Variants in PIGF observed in about 807,000 individuals in gnomAD.
PIGF encodes GPI ethanolamine phosphate transferase, stabilizing subunit.
Under a neutral mutation model 26.0 loss-of-function variants are expected in PIGF, and 23 were observed. The observed-to-expected ratio is 0.88, with a 90% confidence interval of 0.64 to 1.25. The LOEUF (loss-of-function observed/expected upper bound fraction) is 1.25, where lower values mean the gene tolerates loss of function less well. Among genes scored for constraint, PIGF ranks in the 50% most tolerant of loss-of-function variants. The pLI is 0.00. For missense variants in PIGF, 278 were observed against 249.9 expected (o/e 1.11, Z -0.76); for synonymous variants, 93 against 92.6 (o/e 1.00, Z -0.03).
Position 46,588,902 on chromosome 2 carries a change from T to C in PIGF, c.546+3573A>G, listed in dbSNP as rs573975091. On this transcript the variant is annotated intron_variant, in intron 5 of 5. Coordinates refer to ENST00000281382, the MANE Select transcript of PIGF (RefSeq NM_002643.4). This position sits in a 1 kb window ranked among gnomAD's most constrained non-coding sequence, Gnocchi z 4.1. ...ATACAGTAATAACAACAAATACTTATTGATTAGCTATTTAGTTACAGCAGA... is the reference window on the plus strand; with the variant it reads ...ATACAGTAATAACAACAAATACTTACTGATTAGCTATTTAGTTACAGCAGA... 3.3e-5 allele frequency among the ~76,000 whole-genome samples: 5 copies of C among 152,274 alleles called. No individual in the cohort carries two copies. The highest frequency in any genetic ancestry group is 4.1e-4 in the South Asian group (2 of 4,830).
rs367889567 is a variant in PIGF at position 46,581,120 on chromosome 2, T to C, written c.*358A>G. ...AGTGGCCAAGGAAACTGTCCATTTCTCTCAGAAAGCAAATGAAATGCTACA... is the reference window on the plus strand; with the variant it reads ...AGTGGCCAAGGAAACTGTCCATTTCCCTCAGAAAGCAAATGAAATGCTACA... On this transcript the variant is annotated 3_prime_UTR_variant, in exon 6 of 6. Transcript: ENST00000281382. 1.4e-6 allele frequency: 2 copies of C among 1,435,464 alleles called. No individual in the cohort carries two copies. The highest frequency in any genetic ancestry group is 1.4e-5 in the African/African-American group (1 of 69,744). The allele number at this position is 1,435,464 out of a possible 1,614,324, so 88.9% of individuals were successfully genotyped here.
At chr2:46,608,476 C>T (rs1314351313) in intron 4 of PIGF, among the ~76,000 whole-genome samples, 3 of 152,230 alleles carry the variant, frequency 2.0e-5, no homozygotes, top group Non-Finnish European at 2.9e-5. Context: ...ATTTTTATCT[C>T]CTCCCTTGAA....
At position 46,588,384 on chromosome 2, in the gene PIGF, T is replaced by G. The variant is rs1230454860; in HGVS notation, c.546+4091A>C. ...AATAAATCATGGAATTTGCATTTTT[T>G]GAAGGCTAAAAATATAGTCATTAAA... On this transcript the variant is annotated intron_variant, in intron 5 of 5. Coordinates refer to ENST00000281382, the MANE Select transcript of PIGF (RefSeq NM_002643.4). This position sits in a 1 kb window ranked among gnomAD's most constrained non-coding sequence, Gnocchi z 4.1. The G allele has an allele frequency of 1.7e-6, 1 of 588,382 alleles. No homozygotes were observed. Among genetic ancestry groups the G allele is most frequent in the African/African-American group, 1.9e-5 (1 of 51,724 alleles). The allele number at this position is 588,382 out of a possible 1,614,324, so 36.4% of individuals were successfully genotyped here.
intron 5 of PIGF, among the ~76,000 whole-genome samples, chr2:46,586,009 C>T (rs1288471953): frequency 2.0e-5 from 3 of 152,266 alleles, no homozygotes; most frequent in East Asian, 3.9e-4. Context: ...CTCCTGACCT[C>T]GTGATCCGTC....
chr2:46,604,761 A>C (rs1485887034), intron 4 of PIGF, among the ~76,000 whole-genome samples: 1 of 151,986 alleles, frequency 6.6e-6, no homozygotes, highest in African/African-American at 2.4e-5. Flanking sequence ...AATGGGCATG[A>C]AAAAGATAGA....
At chr2:46,582,686 T>C (rs1365491117) in intron 5 of PIGF, 1 of 152,662 alleles carries the variant, frequency 6.6e-6, no homozygotes, top group Non-Finnish European at 1.5e-5. Flanking sequence ...TATAGCTATG[T>C]CTACTGCACA....
In PIGF at chr2:46,581,389, C is replaced by G; in HGVS notation, c.*89G>C. ...TGTTGTAACTACGTAAAAAACAGAGCTGTAAATGGAACTGCTTGGCTTTGA... is the reference window on the plus strand; with the variant it reads ...TGTTGTAACTACGTAAAAAACAGAGGTGTAAATGGAACTGCTTGGCTTTGA... On this transcript the variant is annotated 3_prime_UTR_variant, in exon 6 of 6. Coordinates refer to ENST00000281382, the MANE Select transcript of PIGF (RefSeq NM_002643.4). 1 of 1,524,632 alleles carries G rather than the reference C, an allele frequency of 6.6e-7. No individual in the cohort carries two copies. The highest frequency in any genetic ancestry group is 8.8e-7 in the Non-Finnish European group (1 of 1,132,394). 94.4% of individuals were successfully genotyped at this position (1,524,632 alleles called of 1,614,324 possible).
intron 4 of PIGF, among the ~76,000 whole-genome samples, chr2:46,599,159 C>T (rs924205755): frequency 5.3e-5 from 8 of 152,172 alleles, no homozygotes; most frequent in Non-Finnish European, 1.2e-4. Flanking sequence ...ACCCAACAGG[C>T]TCAGTATCTG....
intron 5 of PIGF, chr2:46,583,036 A>C (rs1177931982): frequency 6.6e-6 from 1 of 152,204 alleles, no homozygotes; most frequent in Non-Finnish European, 1.5e-5. Context: ...AAGGAATTGT[A>C]TAAATCAATT....
intron 4 of PIGF, among the ~76,000 whole-genome samples, chr2:46,610,991 C>A (rs181367555): frequency 6.6e-6 from 1 of 152,154 alleles, no homozygotes; most frequent in Non-Finnish European, 1.5e-5. Context: ...GCACGAGGTG[C>A]CTTTCTCTTC....
chr2:46,598,691 ATAGGG>A (rs557814429), intron 4 of PIGF, among the ~76,000 whole-genome samples: 54 of 152,250 alleles, frequency 3.5e-4, no homozygotes, highest in Admixed American at 9.8e-4. Flanking sequence ...AAGAGTGGGA[ATAGGG>A]TATGACTGCT....
In PIGF at chr2:46,581,509, T is replaced by G. The variant is rs577280268; in HGVS notation, c.629A>C (p.Asn210Thr). 3.7e-6 allele frequency: 6 copies of G among 1,611,542 alleles called. No homozygotes were observed. The South Asian group carries it at 5.5e-5, about 15-fold the overall frequency. The change falls in exon 6 of 6, where the codon AAT becomes ACT. Residue 210 changes from asparagine to threonine, a missense_variant. Physicochemically the swap from Asn to Thr is moderately conservative, Grantham distance 65 (BLOSUM62 0). Coordinates refer to ENST00000281382, the MANE Select transcript of PIGF (RefSeq NM_002643.4). ...GTTCTTGTATGTAAGTTGCTTTCTA[T>G]TCCAGTATATCCAGAGTGGTGAAAT... The part of the protein sequence containing the change: ...LVISPLWIYW[N>T]RKQLTYKNN
At chr2:46,595,196 C>T (rs1045097757) in intron 4 of PIGF, among the ~76,000 whole-genome samples, 1 of 152,166 alleles carries the variant, frequency 6.6e-6, no homozygotes, top group Non-Finnish European at 1.5e-5. Context: ...GTCGTGCAGC[C>T]ATCACCACTG....
intron 2 of PIGF, 90 bp from the exon 3 acceptor site, chr2:46,613,875 C>A (rs185601103): frequency 9.0e-7 from 1 of 1,108,296 alleles, no homozygotes; most frequent in African/African-American, 1.6e-5. Flanking sequence ...AACTTGTTCC[C>A]ATAATGTGTA....
At chr2:46,600,335 C>T (rs1384709087) in intron 4 of PIGF, among the ~76,000 whole-genome samples, 1 of 152,154 alleles carries the variant, frequency 6.6e-6, no homozygotes, top group Admixed American at 6.6e-5. Context: ...TTCCTTTGAT[C>T]TAGGAATGTT....
chr2:46,587,181 G>A (rs1475814415), intron 5 of PIGF, among the ~76,000 whole-genome samples: 1 of 152,088 alleles, frequency 6.6e-6, no homozygotes, highest in Non-Finnish European at 1.5e-5. Context: ...ATATAAATGA[G>A]TATTTTATTT....
Position 46,612,288 on chromosome 2 carries a change from G to A in PIGF, c.377C>T (p.Pro126Leu). The stretch of plus-strand genomic sequence containing the variant: ...GTTTGGTCCTAACAAACATAAGCAA[G>A]GCACAGTAGTAAAAGTAGACAAAAT... ...AVILSTFTTV[P>L]CLCLLGPNLK... Residue 126 changes from proline (P) to leucine (L), a missense_variant, in exon 4 of 6, where the codon CCT (proline) becomes CTT (leucine). Physicochemically the swap from Pro to Leu is moderately conservative, Grantham distance 98. Coordinates refer to ENST00000281382, the MANE Select transcript of PIGF (RefSeq NM_002643.4). 2 of 1,488,724 alleles carry A rather than the reference G, an allele frequency of 1.3e-6. No homozygotes were observed. The highest frequency in any genetic ancestry group is 1.4e-5 in the South Asian group (1 of 72,928). The allele number at this position is 1,488,724 out of a possible 1,614,324, so 92.2% of individuals were successfully genotyped here.
intron 2 of PIGF, chr2:46,614,460 A>C (rs1367015544): frequency 6.4e-6 from 1 of 156,996 alleles, no homozygotes; most frequent in Non-Finnish European, 1.4e-5. Context: ...TATCTACTGC[A>C]GTGAATATTC....
intron 4 of PIGF, among the ~76,000 whole-genome samples, chr2:46,603,308 G>A (rs946106597): frequency 6.6e-6 from 1 of 151,986 alleles, no homozygotes; most frequent in Non-Finnish European, 1.5e-5. Flanking sequence ...CAGATTCAAT[G>A]CAATCCCTAT....
Sources: gnomAD v4.1 joint callset for allele counts (sites outside exome capture counted in the v4.1 genomes callset) on GRCh38, gnomAD v4.1.1 for gene constraint, Gnocchi (gnomAD v3.1) non-coding constraint, MANE v1.5 for transcripts, NCBI Gene and HGNC (gene_info 2026-07-23, HGNC 2026-07-21) for gene names.